The following MMP20 variants were observed in gnomAD, a reference collection of about 807,000 sequenced individuals.
The protein encoded by MMP20 is matrix metallopeptidase 20.
Under a neutral mutation model 51.8 loss-of-function variants are expected in MMP20, and 50 were observed. The ratio of observed to expected loss-of-function variants is 0.97; its 90% CI spans 0.77 to 1.22. The LOEUF (loss-of-function observed/expected upper bound fraction) is 1.22. Ranked by LOEUF, MMP20 falls within the 50% of genes most tolerant of loss-of-function variation. The pLI is 0.00. For synonymous variants in MMP20, 244 were observed against 216.2 expected (o/e 1.13, Z -1.13); for missense variants, 663 against 601.4 (o/e 1.10, Z -1.07).
rs149338397 is a variant in MMP20 at position 102,619,925 on chromosome 11, A to C, written c.127-2866T>G. On this transcript the variant is annotated intron_variant, in intron 1 of 9. Coordinates refer to ENST00000260228, the MANE Select transcript of MMP20 (RefSeq NM_004771.4). ...AAATAGTACCTTTTAATGAAGTAAA[A>C]ATAAAATTAGAAACTATTCCTTCTT... Among the ~76,000 whole-genome samples the C allele has an allele frequency of 4.7e-3, 710 of 152,344 alleles. 5 individuals are homozygous for C. Among genetic ancestry groups the C allele is most frequent in the Middle Eastern group, 0.031 (9 of 294 alleles).
Position 102,577,252 on chromosome 11 carries a change from G to A in MMP20, c.*74C>T. 1 of 973,892 alleles carries A rather than the reference G, an allele frequency of 1.0e-6. No homozygotes were observed. 60.3% of individuals were successfully genotyped at this position (973,892 alleles called of 1,614,324 possible). A position where few individuals can be genotyped will look rare whatever the true frequency, so the allele number is the denominator to read the frequency against. On this transcript the variant is annotated 3_prime_UTR_variant, in exon 10 of 10. Transcript: ENST00000260228. ...TGGAAGAATCCCTCTCCTACATTCT[G>A]CTTTAGTCCTTAAGATCCAGTTAGA... is the stretch of plus-strand genomic sequence containing the variant.
At chr11:102,583,409 A>G (rs1036071365) in intron 8 of MMP20, 1 of 152,244 alleles carries the variant, frequency 6.6e-6, no homozygotes, top group African/African-American at 2.4e-5. Flanking sequence ...CCATAAGATT[A>G]TAACACTGTA....
chr11:102,609,422 T>C (rs966591180), intron 4 of MMP20, among the ~76,000 whole-genome samples: 8 of 152,204 alleles, frequency 5.3e-5, no homozygotes, highest in African/African-American at 1.9e-4. Flanking sequence ...AATTCATAAA[T>C]TTAGACCACA....
intron 3 of MMP20, among the ~76,000 whole-genome samples, chr11:102,611,131 C>T (rs1407888230): frequency 1.3e-5 from 2 of 152,152 alleles, no homozygotes; most frequent in African/African-American, 2.4e-5. Flanking sequence ...TGTTTTCCCC[C>T]CAGTGACATC....
chr11:102,578,712 G>C (rs1228808799), intron 9 of MMP20, among the ~76,000 whole-genome samples: 1 of 151,796 alleles, frequency 6.6e-6, no homozygotes, highest in Non-Finnish European at 1.5e-5. Context: ...GTCCAGCCTG[G>C]CCACAGAGCG....
chr11:102,589,830 C>T (rs1859297166), intron 8 of MMP20, among the ~76,000 whole-genome samples: 1 of 152,102 alleles, frequency 6.6e-6, no homozygotes, highest in Admixed American at 6.6e-5. Flanking sequence ...TTTTTGAACC[C>T]TATTTCATCT....
rs112854585 is a variant in MMP20 at position 102,623,261 on chromosome 11, G to A, written c.126+1933C>T. Among the ~76,000 whole-genome samples the A allele has an allele frequency of 2.3e-3, 356 of 152,304 alleles. 1 individual carries two copies. Among genetic ancestry groups the A allele is most frequent in the African/African-American group, 8.1e-3 (337 of 41,562 alleles). On this transcript the variant is annotated intron_variant, in intron 1 of 9. Transcript: ENST00000260228. ...CCACCCAAGAGTGTCTAGCCCAGGG[G>A]TCCCCTGATCCTGGGCTGCACCCGG...
chr11:102,582,759 A>G (rs1162700757), intron 8 of MMP20, among the ~76,000 whole-genome samples: 4 of 152,258 alleles, frequency 2.6e-5, no homozygotes, highest in Non-Finnish European at 4.4e-5. Context: ...AATTTCATAC[A>G]TAATTACTTA....
At chr11:102,581,507 G>A (rs1591607742) in intron 8 of MMP20, among the ~76,000 whole-genome samples, 1 of 152,168 alleles carries the variant, frequency 6.6e-6, no homozygotes, top group Admixed American at 6.5e-5. Context: ...ATTTTACTGA[G>A]AGAGTAACAG....
In MMP20 at chr11:102,608,982, A is replaced by G; in HGVS notation, c.766T>C (p.Phe256Leu). The part of the protein sequence containing the change: ...PTYKYKNPYG[F>L]HLPKDDVKGI... ...TTCACATCATCTTTGGGGAGGTGGA[A>G]TCCATAGGGATTCTTGTACTTATAA... is the stretch of plus-strand genomic sequence containing the variant. The change falls in exon 5 of 10, where the codon TTC becomes CTC. Residue 256 changes from phenylalanine (F) to leucine (L), a missense_variant. Coordinates refer to ENST00000260228, the MANE Select transcript of MMP20 (RefSeq NM_004771.4). 6.2e-7 allele frequency: 1 copy of G among 1,614,148 alleles called. No homozygotes were observed. Among genetic ancestry groups the G allele is most frequent in the Non-Finnish European group, 8.5e-7 (1 of 1,179,994 alleles).
At chr11:102,613,276 T>C (rs554049023) in intron 2 of MMP20, among the ~76,000 whole-genome samples, 4 of 152,262 alleles carry the variant, frequency 2.6e-5, no homozygotes, top group Non-Finnish European at 5.9e-5. Flanking sequence ...GGAGGGCAAC[T>C]TCTACCCGAG....
chr11:102,586,911 T>C (rs1248232237), intron 8 of MMP20, among the ~76,000 whole-genome samples: 2 of 152,212 alleles, frequency 1.3e-5, no homozygotes, highest in Non-Finnish European at 2.9e-5. Context: ...TCAGTTTTGT[T>C]GGTTTTCTCA....
intron 6 of MMP20, among the ~76,000 whole-genome samples, chr11:102,596,306 G>A (rs969308269): frequency 6.6e-6 from 1 of 152,180 alleles, no homozygotes. Flanking sequence ...TTCGTAAGAG[G>A]CATCATGGTG....
At chr11:102,608,617 T>G (rs960029860) in intron 5 of MMP20, among the ~76,000 whole-genome samples, 4 of 152,206 alleles carry the variant, frequency 2.6e-5, no homozygotes, top group Non-Finnish European at 5.9e-5. Context: ...AAGCACCACA[T>G]ATATGAACTA....
chr11:102,590,491 A>G (rs558437083), intron 8 of MMP20, among the ~76,000 whole-genome samples: 1 of 152,100 alleles, frequency 6.6e-6, no homozygotes, highest in Non-Finnish European at 1.5e-5. Flanking sequence ...CCAACCTTCA[A>G]TCCTCTGTGG....
chr11:102,585,072 C>A (rs1191916387), intron 8 of MMP20, among the ~76,000 whole-genome samples: 1 of 151,990 alleles, frequency 6.6e-6, no homozygotes, highest in Non-Finnish European at 1.5e-5. Context: ...CAACTTTGTT[C>A]TTTTTAAAGA....
intron 8 of MMP20, among the ~76,000 whole-genome samples, chr11:102,584,082 T>A (rs769190272): frequency 1.3e-5 from 2 of 152,208 alleles, no homozygotes; most frequent in Non-Finnish European, 1.5e-5. Context: ...ATAATGCTGC[T>A]ATGAATATTT....
chr11:102,612,046 A>T, intron 2 of MMP20, 143 bp from the exon 3 acceptor site: 1 of 813,328 alleles, frequency 1.2e-6, no homozygotes, highest in Non-Finnish European at 2.0e-6. Context: ...TTGCTTTATT[A>T]TATGTTAAAT....
At chr11:102,584,183 T>G (rs959186072) in intron 8 of MMP20, among the ~76,000 whole-genome samples, 1 of 152,204 alleles carries the variant, frequency 6.6e-6, no homozygotes, top group Non-Finnish European at 1.5e-5. Context: ...AATTCTATGT[T>G]CAATTTTTTG....
Sources: gnomAD v4.1 joint callset for allele counts (sites outside exome capture counted in the v4.1 genomes callset) on GRCh38, gnomAD v4.1.1 for gene constraint, MANE v1.5 for transcripts, NCBI Gene and HGNC (gene_info 2026-07-23, HGNC 2026-07-21) for gene names.